Variants in ADARB1 observed in about 807,000 individuals in gnomAD.
ADARB1 encodes the protein adenosine deaminase RNA specific B1, also known as double-stranded RNA-specific editase 1.
Under a neutral mutation model 52.4 loss-of-function variants are expected in ADARB1, and 10 were observed. The observed-to-expected ratio is 0.19, with a 90% CI of 0.12 to 0.32. The LOEUF (loss-of-function observed/expected upper bound fraction) is 0.32, where lower values mean the gene tolerates loss of function less well. ADARB1 is among the 10% of genes least tolerant of loss of function. The pLI, the probability that ADARB1 is intolerant of heterozygous loss-of-function variation, is 1.00. For synonymous variants in ADARB1, 349 were observed against 371.1 expected (o/e 0.94, Z 0.68); for missense variants, 643 against 922.3 (o/e 0.70, Z 3.92).
In ADARB1 at chr21:45,174,365, C is replaced by G. The variant is rs1373488664; in HGVS notation, c.29-1365C>G. ...TGGAAAGGAATTATTTCTTCTTCTC[C>G]TTTTTAAAAAGCTTGATGAACACTT... On this transcript the variant is annotated intron_variant, in intron 3 of 10. Transcript: ENST00000348831. Among the ~76,000 whole-genome samples, 4 of 152,132 alleles carry G rather than the reference C, an allele frequency of 2.6e-5. No homozygotes were observed. The East Asian group carries it at 7.7e-4, about 29-fold the overall frequency.
At chr21:45,131,246 G>A (rs114780432) in intron 2 of ADARB1, among the ~76,000 whole-genome samples, 32 of 152,324 alleles carry the variant, frequency 2.1e-4, no homozygotes, top group African/African-American at 7.5e-4. Flanking sequence ...GCAGGCAGAT[G>A]TGGGGTAGGT....
At chr21:45,182,320 G>A (rs1427328387) in intron 5 of ADARB1, among the ~76,000 whole-genome samples, 1 of 152,194 alleles carries the variant, frequency 6.6e-6, no homozygotes, top group Non-Finnish European at 1.5e-5. Context: ...TGACTTCCTT[G>A]AGTTTAGTGT....
At chr21:45,115,527 A>G (rs1429625993) in intron 1 of ADARB1, among the ~76,000 whole-genome samples, 1 of 152,210 alleles carries the variant, frequency 6.6e-6, no homozygotes, top group Non-Finnish European at 1.5e-5. Context: ...TCCCAGTCAA[A>G]TTAGCAGCCA....
chr21:45,223,120 G>A lies in ADARB1; in HGVS notation c.*923G>A. The A allele has an allele frequency of 1.0e-6, 1 of 985,452 alleles. No homozygotes were observed. The highest frequency in any genetic ancestry group is 1.2e-6 in the Non-Finnish European group (1 of 829,938). The allele number at this position is 985,452 out of a possible 1,614,324, so 61.0% of individuals were successfully genotyped here. A position where few individuals can be genotyped will look rare whatever the true frequency, so the allele number is the denominator to read the frequency against. On this transcript the variant is annotated 3_prime_UTR_variant, in exon 11 of 11. Transcript: ENST00000348831. ...ACAATACATGGCCTAAGTTCCCTCT[G>A]TTCCTTCCTCTGAATCGAATGGATG...
At chr21:45,199,383 G>A (rs771356394) in intron 8 of ADARB1, among the ~76,000 whole-genome samples, 9 of 152,166 alleles carry the variant, frequency 5.9e-5, no homozygotes, top group African/African-American at 9.7e-5. Context: ...TGGGGTGGCC[G>A]GGCTTACACA....
At position 45,176,722 on chromosome 21, in the gene ADARB1, A is replaced by T; in HGVS notation, c.963+58A>T. The T allele has an allele frequency of 6.7e-7, 1 of 1,490,640 alleles. No homozygotes were observed. Among genetic ancestry groups the T allele is most frequent in the Non-Finnish European group, 9.0e-7 (1 of 1,105,708 alleles). The allele number at this position is 1,490,640 out of a possible 1,614,324, so 92.3% of individuals were successfully genotyped here. ...GGTCATTGCTCTTGGTAATGCTTCTAGACAGCATTTTAGTTTCAGGATTAC... is the reference window on the plus strand; with the variant it reads ...GGTCATTGCTCTTGGTAATGCTTCTTGACAGCATTTTAGTTTCAGGATTAC... On this transcript the variant is annotated intron_variant, in intron 4 of 10. Transcript: ENST00000348831. This position sits in a 1 kb window ranked among gnomAD's most constrained non-coding sequence, Gnocchi z 5.8.
rs2093000178 is a variant in ADARB1 at position 45,223,443 on chromosome 21, TG to T, written c.*1247del. ...AGGAGCGCGGCGGGCGAGGGCCCTG[TG>T]TGGACCACCTCCACCAAGCTCAGAG... On this transcript the variant is annotated 3_prime_UTR_variant, in exon 11 of 11. Coordinates refer to ENST00000348831, the MANE Select transcript of ADARB1 (RefSeq NM_001112.4). The T allele has an allele frequency of 3.0e-6, 3 of 985,672 alleles. No individual in the cohort carries two copies. The highest frequency in any genetic ancestry group is 3.6e-6 in the Non-Finnish European group (3 of 830,270). The allele number at this position is 985,672 out of a possible 1,614,324, so 61.1% of individuals were successfully genotyped here.
intron 2 of ADARB1, among the ~76,000 whole-genome samples, chr21:45,153,919 C>T (rs755851390): frequency 9.9e-5 from 15 of 152,148 alleles, no homozygotes; most frequent in Non-Finnish European, 1.6e-4. Flanking sequence ...GTCACTAAGA[C>T]AGGCAATAGG....
At chr21:45,134,196 G>A (rs28971508) in intron 2 of ADARB1, among the ~76,000 whole-genome samples, 9 of 107,720 alleles carry the variant, frequency 8.4e-5, no homozygotes, top group African/African-American at 2.6e-4. Context: ...GTGTGCGCCC[G>A]ATGGGTGTGT....
intron 7 of ADARB1, chr21:45,184,465 T>C: frequency 4.3e-6 from 1 of 232,202 alleles, no homozygotes; most frequent in Non-Finnish European, 8.8e-6. Flanking sequence ...TTTTTTTTTT[T>C]TGAGACAGGG....
At chr21:45,186,538 A>T (rs2092113425) in intron 8 of ADARB1, among the ~76,000 whole-genome samples, 1 of 152,230 alleles carries the variant, frequency 6.6e-6, no homozygotes, top group Non-Finnish European at 1.5e-5. Flanking sequence ...TAGTGCATTA[A>T]GTTAGCTTCT....
chr21:45,143,193 C>T (rs990200971), intron 2 of ADARB1, among the ~76,000 whole-genome samples: 3 of 152,204 alleles, frequency 2.0e-5, no homozygotes, highest in African/African-American at 7.2e-5. Context: ...TGGCACTGTG[C>T]TCCTCACTCA....
At chr21:45,170,989 T>C (rs2091458116) in intron 2 of ADARB1, among the ~76,000 whole-genome samples, 1 of 152,204 alleles carries the variant, frequency 6.6e-6, no homozygotes, top group South Asian at 2.1e-4. Context: ...TTTGTCTGCA[T>C]AAGGAGCTAT....
intron 1 of ADARB1, among the ~76,000 whole-genome samples, chr21:45,109,294 A>G (rs918132507): frequency 1.1e-4 from 15 of 141,036 alleles, no homozygotes; most frequent in African/African-American, 2.7e-4. Context: ...GCTTGTGCAT[A>G]TATGTGTGTG....
intron 2 of ADARB1, among the ~76,000 whole-genome samples, chr21:45,156,687 C>G (rs1390154233): frequency 6.6e-6 from 1 of 152,194 alleles, no homozygotes; most frequent in Non-Finnish European, 1.5e-5. Flanking sequence ...ACCCACTTCT[C>G]TACATTGTTC....
intron 8 of ADARB1, among the ~76,000 whole-genome samples, chr21:45,191,605 C>T (rs1315380409): frequency 6.6e-6 from 1 of 151,966 alleles, no homozygotes; most frequent in Non-Finnish European, 1.5e-5. Flanking sequence ...ATAAACCTTA[C>T]TTTATTATAG....
chr21:45,180,477 T>A, intron 5 of ADARB1, 33 bp downstream of exon 5: 1 of 1,530,554 alleles, frequency 6.5e-7, no homozygotes, highest in Non-Finnish European at 9.0e-7. Flanking sequence ...TAACCCTGCC[T>A]GTTTTCATGT....
chr21:45,223,497 G>A lies in ADARB1; in HGVS notation c.*1300G>A, dbSNP rs181606804. 1.6e-4 allele frequency: 160 copies of A among 985,652 alleles called. No individual in the cohort carries two copies. The Admixed American group carries it at 2.9e-3, about 18-fold the overall frequency. The allele number at this position is 985,652 out of a possible 1,614,324, so 61.1% of individuals were successfully genotyped here. A position where few individuals can be genotyped will look rare whatever the true frequency, so the allele number is the denominator to read the frequency against. ...TTGCACCAGGTGCCTTGTTGCCTCC[G>A]CTCAGGATGAAAGAGGAGCTGAGAG... On this transcript the variant is annotated 3_prime_UTR_variant, in exon 11 of 11. Coordinates refer to ENST00000348831, the MANE Select transcript of ADARB1 (RefSeq NM_001112.4).
intron 8 of ADARB1, among the ~76,000 whole-genome samples, chr21:45,189,174 A>G (rs925324888): frequency 4.0e-5 from 6 of 151,820 alleles, no homozygotes; most frequent in African/African-American, 1.5e-4. Flanking sequence ...TAGCTAAACC[A>G]TATCTATAGG....
Sources: gnomAD v4.1 joint callset for allele counts (sites outside exome capture counted in the v4.1 genomes callset) on GRCh38, gnomAD v4.1.1 for gene constraint, Gnocchi (gnomAD v3.1) non-coding constraint, MANE v1.5 for transcripts, NCBI Gene and HGNC (gene_info 2026-07-23, HGNC 2026-07-21) for gene names.